RTN1: variants seen among roughly 807,000 people sequenced by gnomAD.
RTN1 encodes reticulon 1, also known as reticulon-1.
A neutral mutation model predicts 65.5 loss-of-function variants in RTN1; 25 were observed. That is an observed-to-expected ratio of 0.38 (90% CI 0.28 to 0.53). The LOEUF (loss-of-function observed/expected upper bound fraction) is 0.53. RTN1 is among the 20% of genes least tolerant of loss of function. RTN1 has a pLI of 0.79. For missense variants in RTN1, 983 were observed against 1,025.4 expected (o/e 0.96, Z 0.57); for synonymous variants, 471 against 447.6 (o/e 1.05, Z -0.66).
At position 59,774,766 on chromosome 14, in the gene RTN1, T is replaced by G. The variant is rs1194274220; in HGVS notation, c.242-28285A>C. Reference sequence around the variant, plus strand: ...GAGACTGAGGAGTGGTATGGTAAAATCAGCCAACAGCCAACTCACAACATC... The same window carrying G: ...GAGACTGAGGAGTGGTATGGTAAAAGCAGCCAACAGCCAACTCACAACATC... On this transcript the variant is annotated intron_variant, in intron 1 of 8. Coordinates refer to ENST00000267484, the MANE Select transcript of RTN1 (RefSeq NM_021136.3). This position sits in a 1 kb window ranked among gnomAD's most constrained non-coding sequence, Gnocchi z 5.1. 6.6e-6 allele frequency among the ~76,000 whole-genome samples: 1 copy of G among 152,102 alleles called. No homozygotes were observed. Among genetic ancestry groups the G allele is most frequent in the Admixed American group, 6.6e-5 (1 of 15,266 alleles).
At chr14:59,725,623 G>A (rs1484431392) in intron 3 of RTN1, among the ~76,000 whole-genome samples, 1 of 152,160 alleles carries the variant, frequency 6.6e-6, no homozygotes, top group African/African-American at 2.4e-5. Context: ...AGCTCTTTAA[G>A]AAGAGCTATT....
chr14:59,707,342 A>G (rs1210221145), intron 3 of RTN1, among the ~76,000 whole-genome samples: 1 of 152,194 alleles, frequency 6.6e-6, no homozygotes. Context: ...ATCATCTATC[A>G]GGCCTTCTTT....
chr14:59,750,869 A>T (rs1397375525), intron 1 of RTN1, among the ~76,000 whole-genome samples: 1 of 148,182 alleles, frequency 6.7e-6, no homozygotes, highest in Admixed American at 7.0e-5. Flanking sequence ...ATGCACCAGC[A>T]TGACTGGCTA....
At chr14:59,709,781 A>G (rs1884376323) in intron 3 of RTN1, among the ~76,000 whole-genome samples, 1 of 152,150 alleles carries the variant, frequency 6.6e-6, no homozygotes, top group Non-Finnish European at 1.5e-5. Flanking sequence ...CAGTCATCTG[A>G]AGCATTTTAT....
chr14:59,667,114 C>T (rs111433071), intron 3 of RTN1, among the ~76,000 whole-genome samples: 2,727 of 151,886 alleles, frequency 0.018, 78 homozygotes, highest in African/African-American at 0.062. Context: ...TTTTATGAGG[C>T]TAGCATCATC....
chr14:59,717,698 G>A (rs1395053138), intron 3 of RTN1, among the ~76,000 whole-genome samples: 2 of 152,174 alleles, frequency 1.3e-5, no homozygotes, highest in Non-Finnish European at 1.5e-5. Flanking sequence ...TCTCCCATAC[G>A]GAGGTGGAAG....
At chr14:59,628,473 G>GA (rs1010362037) in intron 3 of RTN1, among the ~76,000 whole-genome samples, 6 of 151,774 alleles carry the variant, frequency 4.0e-5, no homozygotes, top group African/African-American at 1.2e-4. Context: ...ACAGTGAGGA[G>GA]AAAAAAAAGG....
chr14:59,728,100 GC>G (rs1322329352), intron 2 of RTN1, among the ~76,000 whole-genome samples: 1 of 151,962 alleles, frequency 6.6e-6, no homozygotes, highest in Non-Finnish European at 1.5e-5. Context: ...CTCTAATTGG[GC>G]CCACGAATAT....
chr14:59,662,776 C>G (rs1883279723), intron 3 of RTN1, among the ~76,000 whole-genome samples: 1 of 152,072 alleles, frequency 6.6e-6, no homozygotes, highest in African/African-American at 2.4e-5. Flanking sequence ...AGGACACATA[C>G]AAATGGAAAA....
At chr14:59,753,178 C>G (rs1250829518) in intron 1 of RTN1, among the ~76,000 whole-genome samples, 1 of 152,126 alleles carries the variant, frequency 6.6e-6, no homozygotes. Context: ...ATTGAGGGAA[C>G]AGAATCTAAA....
intron 3 of RTN1, among the ~76,000 whole-genome samples, chr14:59,708,739 G>A (rs1182101584): frequency 6.6e-6 from 1 of 152,192 alleles, no homozygotes; most frequent in Non-Finnish European, 1.5e-5. Flanking sequence ...CTGAGGGGTA[G>A]AGACTATCAA....
chr14:59,838,774 C>T (rs28684899), intron 1 of RTN1, among the ~76,000 whole-genome samples: 4 of 151,918 alleles, frequency 2.6e-5, no homozygotes, highest in Non-Finnish European at 4.4e-5. Flanking sequence ...GTTAATACTA[C>T]GTGAAAATTG....
rs540763115 is a variant in RTN1 at position 59,806,448 on chromosome 14, C to T, written c.242-59967G>A. On this transcript the variant is annotated intron_variant, in intron 1 of 8. Transcript: ENST00000267484. ...AATTAGAATATATTTTCATATTTTA[C>T]CTTTCAAACCTACATTTTTTTAACT... 6.6e-5 allele frequency among the ~76,000 whole-genome samples: 10 copies of T among 152,064 alleles called. No individual in the cohort carries two copies. The East Asian group carries it at 1.9e-3, about 29-fold the overall frequency.
At chr14:59,857,746 T>G (rs1887634072) in intron 1 of RTN1, among the ~76,000 whole-genome samples, 1 of 152,212 alleles carries the variant, frequency 6.6e-6, no homozygotes, top group South Asian at 2.1e-4. Context: ...TAATCTTCCT[T>G]AACATAGCTC....
intron 2 of RTN1, among the ~76,000 whole-genome samples, chr14:59,731,368 G>T (rs904081819): frequency 2.0e-5 from 3 of 152,092 alleles, no homozygotes; most frequent in Admixed American, 6.5e-5. Flanking sequence ...AGAAAAGGGG[G>T]TGCAGGGTTT....
At chr14:59,800,921 T>G (rs1209825904) in intron 1 of RTN1, among the ~76,000 whole-genome samples, 1 of 151,680 alleles carries the variant, frequency 6.6e-6, no homozygotes, top group Non-Finnish European at 1.5e-5. Context: ...AATATTCTAA[T>G]GTAAATGCTG....
intron 1 of RTN1, among the ~76,000 whole-genome samples, chr14:59,762,061 T>C (rs1490945064): frequency 6.6e-6 from 1 of 151,958 alleles, no homozygotes; most frequent in Admixed American, 6.6e-5. Flanking sequence ...TGGTATGCAG[T>C]AGGGTGTGTG....
intron 3 of RTN1, among the ~76,000 whole-genome samples, chr14:59,635,494 A>T (rs1481445165): frequency 1.3e-5 from 2 of 152,218 alleles, no homozygotes; most frequent in Non-Finnish European, 2.9e-5. Flanking sequence ...AGAAAGGTAA[A>T]ATTAAAACAG....
chr14:59,846,263 T>G lies in RTN1; in HGVS notation c.241+24127A>C, dbSNP rs1300362328. 6.6e-6 allele frequency among the ~76,000 whole-genome samples: 1 copy of G among 152,110 alleles called. No homozygotes were observed. Among genetic ancestry groups the G allele is most frequent in the Non-Finnish European group, 1.5e-5 (1 of 68,006 alleles). On this transcript the variant is annotated intron_variant, in intron 1 of 8. Coordinates refer to ENST00000267484, the MANE Select transcript of RTN1 (RefSeq NM_021136.3). The surrounding 1 kb of genome is among the most constrained non-coding windows in gnomAD (Gnocchi z 4.8). Reference sequence around the variant, plus strand: ...AAACAGAATGAACTGAGATGATAAATCCTGGCCCATCTGCTGCTTGTGTCC... The same window carrying G: ...AAACAGAATGAACTGAGATGATAAAGCCTGGCCCATCTGCTGCTTGTGTCC...
Sources: gnomAD v4.1 joint callset for allele counts (sites outside exome capture counted in the v4.1 genomes callset) on GRCh38, gnomAD v4.1.1 for gene constraint, Gnocchi (gnomAD v3.1) non-coding constraint, MANE v1.5 for transcripts, NCBI Gene and HGNC (gene_info 2026-07-23, HGNC 2026-07-21) for gene names.